Variants in MYPN observed in about 807,000 individuals in gnomAD.
The protein encoded by MYPN is myopalladin.
Under a neutral mutation model 129.4 loss-of-function variants are expected in MYPN, and 63 were observed. The observed-to-expected ratio is 0.49, with a 90% CI of 0.40 to 0.60. The LOEUF (loss-of-function observed/expected upper bound fraction) is 0.60, where lower values mean the gene tolerates loss of function less well. Among genes scored for constraint, MYPN ranks in the 20% least tolerant of loss-of-function variants. MYPN has a pLI of 0.00. For synonymous variants in MYPN, 629 were observed against 600.9 expected, an observed-to-expected ratio of 1.05 and a Z score of -0.68; for missense variants, 1,596 against 1,635.4, an observed-to-expected ratio of 0.98 and a Z score of 0.42.
chr10:68,156,023 C>T (rs2042866867), intron 6 of MYPN, among the ~76,000 whole-genome samples: 1 of 152,286 alleles, frequency 6.6e-6, no homozygotes, highest in South Asian at 2.1e-4. Flanking sequence ...CAAGGAGATC[C>T]TTTTGCAAGC....
intron 2 of MYPN, among the ~76,000 whole-genome samples, chr10:68,139,052 C>T (rs1444930256): frequency 1.3e-5 from 2 of 152,104 alleles, no homozygotes; most frequent in Admixed American, 1.3e-4. Flanking sequence ...CATGTTTTTC[C>T]CTAGAGAAAT....
chr10:68,130,000 T>C (rs529103592), intron 2 of MYPN, among the ~76,000 whole-genome samples: 3 of 152,216 alleles, frequency 2.0e-5, no homozygotes, highest in African/African-American at 7.2e-5. Context: ...TGAAGTATTA[T>C]CTCAAGTGGT....
At chr10:68,088,313 C>T (rs1279247955) in intron 1 of MYPN, among the ~76,000 whole-genome samples, 1 of 151,918 alleles carries the variant, frequency 6.6e-6, no homozygotes, top group African/African-American at 2.4e-5. Context: ...CATTGCCAAG[C>T]AATGTAAAGA....
chr10:68,096,258 T>C (rs992864599), intron 1 of MYPN, among the ~76,000 whole-genome samples: 9 of 152,212 alleles, frequency 5.9e-5, no homozygotes, highest in African/African-American at 1.9e-4. Context: ...CTTAAGTCAA[T>C]TGTTCTTTCT....
chr10:68,207,153 G>T (rs753157319), intron 19 of MYPN, among the ~76,000 whole-genome samples: 19 of 152,044 alleles, frequency 1.2e-4, no homozygotes, highest in African/African-American at 1.7e-4. Context: ...AGCTACTCGG[G>T]CAGCTGAGGC....
chr10:68,199,665 T>G, intron 17 of MYPN, 90 bp downstream of exon 17: 1 of 1,308,416 alleles, frequency 7.6e-7, no homozygotes, highest in South Asian at 1.2e-5. Context: ...CCTTCATCCT[T>G]TGCCCTACTA....
rs730880168 is a variant in MYPN at position 68,121,539 on chromosome 10, G to A, written c.101G>A (p.Arg34Gln). 5 of 1,614,162 alleles carry A rather than the reference G, an allele frequency of 3.1e-6. No individual in the cohort carries two copies. Among genetic ancestry groups the A allele is most frequent in the Middle Eastern group, 1.7e-4 (1 of 6,060 alleles). The change falls in exon 2 of 20, where the codon CGA becomes CAA. Residue 34 changes from arginine (R) to glutamine (Q), a missense_variant. By Grantham distance (43) the Arg-to-Gln change is conservative. Transcript: ENST00000358913. Reference sequence around the variant, plus strand: ...CATCGGGGAAACAATGAGAGGAGTCGAGCGGAGCCCTCCTCCAACCCTTGC... The same window carrying A: ...CATCGGGGAAACAATGAGAGGAGTCAAGCGGAGCCCTCCTCCAACCCTTGC... ...TRHRGNNERS[R>Q]AEPSSNPCHF...
In MYPN at chr10:68,125,169, G is replaced by A. The variant is rs1447483564; in HGVS notation, c.902+2829G>A. Among the ~76,000 whole-genome samples the A allele has an allele frequency of 2.0e-5, 3 of 152,202 alleles. No individual in the cohort carries two copies. In the East Asian group the frequency reaches 5.8e-4, roughly 29 times the overall value. On this transcript the variant is annotated intron_variant, in intron 2 of 19. Coordinates refer to ENST00000358913, the MANE Select transcript of MYPN (RefSeq NM_032578.4). ...CAATTAGGAAGACATTCCCCACAAA[G>A]CAAAGTAATCTGGTGGCCACTCAGA...
rs74143018 is a variant in MYPN, at chr10:68,112,569, T to C, written c.-2+2846T>C. 4.3e-3 allele frequency among the ~76,000 whole-genome samples: 652 copies of C among 152,348 alleles called. 3 individuals carry two copies. Among genetic ancestry groups the C allele is most frequent in the African/African-American group, 0.015 (639 of 41,592 alleles). ...CCTAAACGGATTCTCATTAATTCCCTGATGGATCATCTCTGCTCGGCCTCT... is the reference window on the plus strand; with the variant it reads ...CCTAAACGGATTCTCATTAATTCCCCGATGGATCATCTCTGCTCGGCCTCT... On this transcript the variant is annotated intron_variant, in intron 1 of 19. Coordinates refer to ENST00000358913, the MANE Select transcript of MYPN (RefSeq NM_032578.4).
At position 68,192,778 on chromosome 10, in the gene MYPN, TC is replaced by T. The variant is rs1297092005; in HGVS notation, c.2926-1583del. On this transcript the variant is annotated intron_variant, in intron 13 of 19. Transcript: ENST00000358913. Reference sequence around the variant, plus strand: ...TGTGTCCAGGAATTTGCCAATTTCTTCCAGGTTTTCCAATTTGCTGGCATAT... The same window carrying T: ...TGTGTCCAGGAATTTGCCAATTTCTTCAGGTTTTCCAATTTGCTGGCATAT... Among the ~76,000 whole-genome samples, 5 of 152,142 alleles carry T rather than the reference TC, an allele frequency of 3.3e-5. No homozygotes were observed. In the East Asian group the frequency reaches 9.6e-4, roughly 29 times the overall value.
At chr10:68,179,731 A>ACTC (rs1351894530) in intron 12 of MYPN, among the ~76,000 whole-genome samples, 5 of 151,696 alleles carry the variant, frequency 3.3e-5, no homozygotes, top group African/African-American at 1.2e-4. Flanking sequence ...TGCGATCTCC[A>ACTC]CTCATTGCAG....
intron 8 of MYPN, among the ~76,000 whole-genome samples, chr10:68,165,327 C>CT (rs1564674225): frequency 1.3e-5 from 2 of 152,238 alleles, no homozygotes; most frequent in Non-Finnish European, 1.5e-5. Context: ...TGGCACATGC[C>CT]TGTAGTCCCA....
intron 18 of MYPN, among the ~76,000 whole-genome samples, chr10:68,203,140 C>T (rs1189259080): frequency 6.6e-6 from 1 of 152,112 alleles, no homozygotes; most frequent in Admixed American, 6.5e-5. Context: ...GGTTTAGTCA[C>T]CACTTCCTGG....
At chr10:68,160,335 G>C (rs2042952652) in intron 7 of MYPN, among the ~76,000 whole-genome samples, 1 of 149,572 alleles carries the variant, frequency 6.7e-6, no homozygotes, top group Non-Finnish European at 1.5e-5. Context: ...GAAGGTTGAG[G>C]CAGGAGAATC....
chr10:68,175,814 G>A (rs2043219295), intron 12 of MYPN, among the ~76,000 whole-genome samples: 1 of 152,192 alleles, frequency 6.6e-6, no homozygotes, highest in South Asian at 2.1e-4. Context: ...GGGTGCAGTG[G>A]TATGATCACG....
chr10:68,199,186 C>A (rs1310226913), intron 16 of MYPN, among the ~76,000 whole-genome samples, 182 bp from the exon 17 acceptor site: 2 of 152,050 alleles, frequency 1.3e-5, no homozygotes, highest in African/African-American at 4.8e-5. Context: ...CCATACAGTT[C>A]AAATTCATGC....
chr10:68,177,184 A>G (rs954381838), intron 12 of MYPN, among the ~76,000 whole-genome samples: 1 of 152,228 alleles, frequency 6.6e-6, no homozygotes, highest in Non-Finnish European at 1.5e-5. Context: ...TGTACATGTA[A>G]ACGTGAAATT....
chr10:68,170,493 C>G (rs965930566), intron 10 of MYPN, among the ~76,000 whole-genome samples: 1 of 152,084 alleles, frequency 6.6e-6, no homozygotes, highest in Non-Finnish European at 1.5e-5. Context: ...TAGTTTTAAC[C>G]TCATTAGTTT....
intron 10 of MYPN, among the ~76,000 whole-genome samples, chr10:68,168,991 TAAAAAAAAA>T (rs71009012): frequency 8.7e-5 from 7 of 80,330 alleles, no homozygotes; most frequent in East Asian, 4.2e-4. Flanking sequence ...GATTATTTCT[TAAAAAAAAA>T]AAAAAAAAAA....
Sources: gnomAD v4.1 joint callset for allele counts (sites outside exome capture counted in the v4.1 genomes callset) on GRCh38, gnomAD v4.1.1 for gene constraint, MANE v1.5 for transcripts, NCBI Gene and HGNC (gene_info 2026-07-23, HGNC 2026-07-21) for gene names.